LGSN: variants seen among roughly 807,000 people sequenced by gnomAD.
LGSN encodes the protein lengsin, lens protein with glutamine synthetase domain.
Under a neutral mutation model 19.5 loss-of-function variants are expected in LGSN, and 21 were observed. That is an observed-to-expected ratio of 1.07 (90% CI 0.76 to 1.55). The LOEUF is 1.55. Ranked by LOEUF, LGSN falls within the 40% of genes most tolerant of loss-of-function variation. The probability of loss-of-function intolerance (pLI) is 0.00; values close to 1 mark genes in which losing one functional copy is unlikely to be tolerated. For synonymous variants in LGSN, 257 were observed against 215.6 expected, an observed-to-expected ratio of 1.19 and a Z score of -1.68; for missense variants, 673 against 608.5, an observed-to-expected ratio of 1.11 and a Z score of -1.12.
the LGSN span, among the ~76,000 whole-genome samples, chr6:63,552,566 T>C: frequency 6.6e-6 from 1 of 152,200 alleles, no homozygotes; most frequent in African/African-American, 2.4e-5. Flanking sequence ...ATTTTGGCTT[T>C]TGTTGCCATT....
chr6:63,555,029 A>G, the LGSN span, among the ~76,000 whole-genome samples: 1 of 152,236 alleles, frequency 6.6e-6, no homozygotes, highest in Non-Finnish European at 1.5e-5. Flanking sequence ...ATCAGAACAC[A>G]GCCAAGCAAA....
At chr6:63,339,130 A>C in the LGSN span, among the ~76,000 whole-genome samples, 1 of 152,182 alleles carries the variant, frequency 6.6e-6, no homozygotes, top group Non-Finnish European at 1.5e-5. Context: ...TGTGCTGATG[A>C]GAAGAATGTG....
At chr6:63,475,249 C>A in the LGSN span, among the ~76,000 whole-genome samples, 1 of 151,410 alleles carries the variant, frequency 6.6e-6, no homozygotes, top group East Asian at 1.9e-4. Flanking sequence ...CCATGCCAAC[C>A]CCATTGGCAT....
chr6:63,427,045 C>CT, the LGSN span, among the ~76,000 whole-genome samples: 1,536 of 141,482 alleles, frequency 0.011, 12 homozygotes, highest in African/African-American at 0.031. Context: ...AGACCTTTCC[C>CT]TTTTTTTTTT....
the LGSN span, among the ~76,000 whole-genome samples, chr6:63,393,856 G>T: frequency 6.6e-6 from 1 of 152,134 alleles, no homozygotes; most frequent in African/African-American, 2.4e-5. Context: ...AGACAATGTA[G>T]CCACTTCAAA....
the LGSN span, among the ~76,000 whole-genome samples, chr6:63,430,933 G>T: frequency 6.6e-6 from 1 of 152,074 alleles, no homozygotes; most frequent in Non-Finnish European, 1.5e-5. Context: ...TTATAATTAA[G>T]AGCTGTTTAA....
At chr6:63,407,499 T>A in the LGSN span, among the ~76,000 whole-genome samples, 3 of 152,200 alleles carry the variant, frequency 2.0e-5, no homozygotes, top group East Asian at 1.9e-4. Flanking sequence ...CTAAAAACTC[T>A]CAATAAATTC....
chr6:63,423,467 C>A, the LGSN span, among the ~76,000 whole-genome samples: 2 of 148,328 alleles, frequency 1.3e-5, no homozygotes, highest in South Asian at 2.1e-4. Context: ...AAAACTCTGT[C>A]TCTACCAAAA....
chr6:63,444,386 G>A, the LGSN span, among the ~76,000 whole-genome samples: 1 of 152,192 alleles, frequency 6.6e-6, no homozygotes, highest in Non-Finnish European at 1.5e-5. Flanking sequence ...CTTTCCCAAT[G>A]TGTGATAGAC....
At chr6:63,325,848 G>C in the LGSN span, among the ~76,000 whole-genome samples, 1 of 152,158 alleles carries the variant, frequency 6.6e-6, no homozygotes, top group African/African-American at 2.4e-5. Context: ...GCAGTAGCAA[G>C]ATTTATTGCA....
the LGSN span, among the ~76,000 whole-genome samples, chr6:63,345,525 C>T: frequency 1.1e-4 from 16 of 152,260 alleles, 1 homozygote; most frequent in South Asian, 3.3e-3. Flanking sequence ...CTAGAAGTGT[C>T]AGAGATCCCT....
chr6:63,445,628 A>G, the LGSN span, among the ~76,000 whole-genome samples: 30 of 152,274 alleles, frequency 2.0e-4, no homozygotes, highest in African/African-American at 7.2e-4. Context: ...AAAAAAAATA[A>G]TAAAAATAAA....
At chr6:63,526,024 T>C in the LGSN span, among the ~76,000 whole-genome samples, 1 of 152,132 alleles carries the variant, frequency 6.6e-6, no homozygotes, top group African/African-American at 2.4e-5. Flanking sequence ...CTATATTTTA[T>C]TGCCTTAAGA....
At chr6:63,545,308 C>T in the LGSN span, among the ~76,000 whole-genome samples, 23 of 152,274 alleles carry the variant, frequency 1.5e-4, no homozygotes, top group East Asian at 3.1e-3. Context: ...CAAGAAATCT[C>T]TGGGCGTGGA....
the LGSN span, among the ~76,000 whole-genome samples, chr6:63,497,918 C>CTTT: frequency 0.043 from 5,222 of 121,824 alleles, 191 homozygotes; most frequent in Non-Finnish European, 0.05. Context: ...TGTCATGTTT[C>CTTT]TTTTTTTTTT....
the LGSN span, among the ~76,000 whole-genome samples, chr6:63,393,227 G>A: frequency 4.0e-5 from 6 of 151,598 alleles, no homozygotes; most frequent in South Asian, 1.3e-3. Flanking sequence ...GAGTGCAATA[G>A]CTGGATCTTG....
At chr6:63,542,185 C>T in the LGSN span, among the ~76,000 whole-genome samples, 3 of 152,130 alleles carry the variant, frequency 2.0e-5, no homozygotes, top group East Asian at 5.8e-4. Flanking sequence ...GGAAACCAAA[C>T]ATCGTATGTT....
At chr6:63,559,044 A>C in the LGSN span, among the ~76,000 whole-genome samples, 1 of 152,226 alleles carries the variant, frequency 6.6e-6, no homozygotes, top group African/African-American at 2.4e-5. Flanking sequence ...GGCGAGAAGG[A>C]TAGATCATTT....
At chr6:63,323,557 T>TACAC (rs1405899851), upstream of LGSN, among the ~76,000 whole-genome samples, 140 of 96,252 alleles carry the variant, frequency 1.5e-3, no homozygotes, top group East Asian at 9.6e-3. Flanking sequence ...CAAAACCTCA[T>TACAC]ATACACACAC....
Sources: gnomAD v4.1 joint callset for allele counts (sites outside exome capture counted in the v4.1 genomes callset) on GRCh38, gnomAD v4.1.1 for gene constraint, MANE v1.5 for transcripts, NCBI Gene and HGNC (gene_info 2026-07-23, HGNC 2026-07-21) for gene names.